Variants in SNTG1 observed in about 807,000 individuals in gnomAD.
SNTG1 encodes the protein gamma-1-syntrophin.
A neutral mutation model predicts 74.7 loss-of-function variants in SNTG1; 39 were observed. The ratio of observed to expected loss-of-function variants is 0.52; its 90% CI spans 0.40 to 0.68. The LOEUF (loss-of-function observed/expected upper bound fraction) is 0.68. Ranked by LOEUF, SNTG1 falls within the 30% of genes least tolerant of loss-of-function variation. SNTG1 has a pLI of 0.00. For synonymous variants in SNTG1, 254 were observed against 217.1 expected (o/e 1.17, Z -1.49); for missense variants, 685 against 609.5 (o/e 1.12, Z -1.30).
At chr8:49,998,763 G>T (rs537204024) in intron 1 of SNTG1, among the ~76,000 whole-genome samples, 14 of 152,030 alleles carry the variant, frequency 9.2e-5, no homozygotes, top group Admixed American at 3.9e-4. Flanking sequence ...CCTTCATCTG[G>T]ATACTTCCTG....
chr8:50,151,166 C>T (rs1233556992), intron 1 of SNTG1, among the ~76,000 whole-genome samples: 1 of 152,092 alleles, frequency 6.6e-6, no homozygotes, highest in Non-Finnish European at 1.5e-5. Context: ...AGGAATTTAT[C>T]CATTTCTTCT....
At chr8:50,768,211 T>C (rs888635692) in intron 18 of SNTG1, among the ~76,000 whole-genome samples, 1 of 152,006 alleles carries the variant, frequency 6.6e-6, no homozygotes, top group African/African-American at 2.4e-5. Flanking sequence ...TTAGTGAAAT[T>C]CAAGTCAGAA....
At chr8:50,299,794 C>G (rs1460757480) in intron 2 of SNTG1, among the ~76,000 whole-genome samples, 1 of 152,042 alleles carries the variant, frequency 6.6e-6, no homozygotes, top group African/African-American at 2.4e-5. Context: ...AGATACGTGT[C>G]ACTAGGAGTT....
chr8:50,627,081 A>G (rs2094961414), intron 13 of SNTG1, among the ~76,000 whole-genome samples: 1 of 152,028 alleles, frequency 6.6e-6, no homozygotes, highest in Non-Finnish European at 1.5e-5. Flanking sequence ...GCATCATTTA[A>G]TCCTTTTTGT....
intron 2 of SNTG1, among the ~76,000 whole-genome samples, chr8:50,273,734 C>A (rs550629942): frequency 3.3e-5 from 5 of 152,198 alleles, no homozygotes; most frequent in Admixed American, 6.5e-5. Flanking sequence ...ATCTTAAATT[C>A]TGGGAATAAT....
At chr8:50,610,761 G>T (rs2094844157) in intron 13 of SNTG1, among the ~76,000 whole-genome samples, 1 of 152,128 alleles carries the variant, frequency 6.6e-6, no homozygotes, top group Admixed American at 6.5e-5. Flanking sequence ...GGAATAAAAT[G>T]AGGTAGTAAG....
chr8:50,061,600 G>A (rs1009268918), intron 1 of SNTG1, among the ~76,000 whole-genome samples: 2 of 151,862 alleles, frequency 1.3e-5, no homozygotes, highest in Non-Finnish European at 2.9e-5. Context: ...ATTTGAGATT[G>A]TTCTGTTTCT....
At chr8:49,960,650 T>A (rs767198073) in intron 1 of SNTG1, among the ~76,000 whole-genome samples, 3 of 152,096 alleles carry the variant, frequency 2.0e-5, no homozygotes, top group Non-Finnish European at 4.4e-5. Context: ...CAGAGACATA[T>A]AATGGGCAGA....
chr8:50,192,915 C>A (rs981253806), intron 2 of SNTG1, among the ~76,000 whole-genome samples: 1 of 151,984 alleles, frequency 6.6e-6, no homozygotes, highest in Non-Finnish European at 1.5e-5. Flanking sequence ...ATGTCCTTTC[C>A]CTGTTTTATG....
intron 1 of SNTG1, among the ~76,000 whole-genome samples, chr8:49,958,152 G>A (rs1221412615): frequency 1.3e-5 from 2 of 152,078 alleles, no homozygotes; most frequent in Non-Finnish European, 2.9e-5. Context: ...CCATTTACTA[G>A]GGCTCCAAGG....
At chr8:50,315,886 T>G (rs1292461766) in intron 2 of SNTG1, among the ~76,000 whole-genome samples, 1 of 152,132 alleles carries the variant, frequency 6.6e-6, no homozygotes, top group African/African-American at 2.4e-5. Flanking sequence ...ACCTTTCAGA[T>G]TTTCATTGAA....
chr8:50,647,070 A>G (rs1368967198), intron 13 of SNTG1, among the ~76,000 whole-genome samples: 1 of 152,192 alleles, frequency 6.6e-6, no homozygotes, highest in African/African-American at 2.4e-5. Context: ...TTAACTCAAA[A>G]TGGATCATAG....
intron 2 of SNTG1, among the ~76,000 whole-genome samples, chr8:50,368,384 A>C (rs766258995): frequency 6.6e-6 from 1 of 152,204 alleles, no homozygotes; most frequent in Non-Finnish European, 1.5e-5. Flanking sequence ...TATGGATTAA[A>C]GAAGGATTTG....
chr8:50,681,360 A>G (rs879397943), intron 15 of SNTG1, among the ~76,000 whole-genome samples: 44 of 152,286 alleles, frequency 2.9e-4, no homozygotes, highest in Admixed American at 2.6e-3. Context: ...TATTACATAT[A>G]TAAATAATGG....
chr8:50,253,280 A>T (rs2129933334), intron 2 of SNTG1, among the ~76,000 whole-genome samples: 1 of 152,132 alleles, frequency 6.6e-6, no homozygotes, highest in Admixed American at 6.5e-5. Context: ...AAAATTAGCC[A>T]GGCGTGGTGG....
At chr8:50,427,960 A>AG (rs1180814778) in intron 4 of SNTG1, among the ~76,000 whole-genome samples, 1 of 152,208 alleles carries the variant, frequency 6.6e-6, no homozygotes, top group Non-Finnish European at 1.5e-5. Flanking sequence ...ATTAGACAAA[A>AG]GGAAATAATG....
chr8:50,508,426 G>A (rs2094030193), intron 9 of SNTG1, among the ~76,000 whole-genome samples: 2 of 152,092 alleles, frequency 1.3e-5, no homozygotes, highest in Admixed American at 1.3e-4. Flanking sequence ...AATCCTTTGG[G>A]TATATACCCA....
intron 18 of SNTG1, among the ~76,000 whole-genome samples, chr8:50,760,137 T>C (rs573453124): frequency 4.4e-4 from 67 of 152,228 alleles, no homozygotes; most frequent in Admixed American, 7.9e-4. Context: ...ATGATTTGGC[T>C]CTCCATTTGT....
intron 1 of SNTG1, among the ~76,000 whole-genome samples, chr8:49,990,658 T>C (rs1266883957): frequency 1.3e-5 from 2 of 152,166 alleles, no homozygotes; most frequent in African/African-American, 4.8e-5. Context: ...TAAACACCTA[T>C]ATTTATGGTA....
Sources: allele counts gnomAD v4.1 joint callset (sites outside exome capture counted in the v4.1 genomes callset), GRCh38; gene constraint gnomAD v4.1.1; transcripts MANE v1.5; gene names NCBI Gene and HGNC (gene_info 2026-07-23, HGNC 2026-07-21).